Variants in IL4I1 observed in about 807,000 individuals in gnomAD.
The protein encoded by IL4I1 is interleukin 4 induced 1.
A neutral mutation model predicts 29.7 loss-of-function variants in IL4I1; 24 were observed. That is an observed-to-expected ratio of 0.81 (90% CI 0.59 to 1.14). The LOEUF is 1.14. Among genes scored for constraint, IL4I1 ranks in the 50% most tolerant of loss-of-function variants. The probability of loss-of-function intolerance (pLI) is 0.00; values close to 1 mark genes in which losing one functional copy is unlikely to be tolerated. For synonymous variants in IL4I1, 371 were observed against 352.5 expected (o/e 1.05, Z -0.59); for missense variants, 686 against 785.6 (o/e 0.87, Z 1.52).
chr19:49,902,212 C>T (rs2075277482), intron 3 of IL4I1, among the ~76,000 whole-genome samples: 1 of 152,168 alleles, frequency 6.6e-6, no homozygotes, highest in Non-Finnish European at 1.5e-5. Flanking sequence ...GTTGGCTGGG[C>T]TGGTCTCGAA....
At chr19:49,900,726 C>A (rs1386324488), upstream of IL4I1, among the ~76,000 whole-genome samples, 1 of 151,168 alleles carries the variant, frequency 6.6e-6, no homozygotes, top group Admixed American at 6.6e-5. Context: ...GTGGAGGGAG[C>A]GGAGGGGAGG....
intron 3 of IL4I1, among the ~76,000 whole-genome samples, chr19:49,903,851 T>TG (rs1222061190): frequency 6.8e-6 from 1 of 146,806 alleles, no homozygotes; most frequent in Non-Finnish European, 1.5e-5. Context: ...TTTTTTTTTT[T>TG]TTTTTGAGAC....
intron 2 of IL4I1, among the ~76,000 whole-genome samples, chr19:49,925,725 G>A (rs934517953): frequency 5.3e-5 from 8 of 152,114 alleles, no homozygotes; most frequent in African/African-American, 1.7e-4. Context: ...CATCAAGTGT[G>A]GTCAGAATCA....
chr19:49,909,192 C>A (rs1324752206), intron 2 of IL4I1: 1 of 1,613,696 alleles, frequency 6.2e-7, no homozygotes, highest in Non-Finnish European at 8.5e-7. Context: ...GTGGGAGCAG[C>A]TGGCTGTGTG....
Position 49,889,842 on chromosome 19 carries a change from G to C in IL4I1, c.1532C>G (p.Ala511Gly), listed in dbSNP as rs748357486. 5.7e-6 allele frequency: 9 copies of C among 1,585,396 alleles called. No homozygotes were observed. The highest frequency in any genetic ancestry group is 7.7e-6 in the Non-Finnish European group (9 of 1,165,242). Residue 511 changes from alanine to glycine, a missense_variant, in exon 8 of 8, where the codon GCA becomes GGA. Transcript: ENST00000391826. ...AIKINSRKGP[A>G]SDTASPEGHA... ...CCCCTCGGGGCTGGCCGTGTCCGAT[G>C]CAGGCCCCTTCCGGCTGTTGATCTT... is the stretch of plus-strand genomic sequence containing the variant.
chr19:49,913,849 G>C (rs1055532009), intron 2 of IL4I1, among the ~76,000 whole-genome samples: 6 of 152,114 alleles, frequency 3.9e-5, no homozygotes, highest in African/African-American at 1.4e-4. Flanking sequence ...CTAACGGTTC[G>C]GGCGTTATAT....
At chr19:49,926,425 A>C (rs998831325) in intron 2 of IL4I1, among the ~76,000 whole-genome samples, 32 of 150,660 alleles carry the variant, frequency 2.1e-4, no homozygotes, top group African/African-American at 7.1e-4. Flanking sequence ...AGCTACTTGG[A>C]AGGCTGAGGC....
chr19:49,895,087 G>T lies in IL4I1; in HGVS notation c.346C>A (p.Arg116Ser), dbSNP rs1475773644. ...TGWIGELGAM[R>S]MPSSHRILHK... The stretch of plus-strand genomic sequence containing the variant: ...GGTCACCTGTGAGAGCTGGGCATGC[G>T]CATGGCTCCCAGCTCCCCAATCCAG... The change falls in exon 4 of 8, where the codon CGC becomes AGC. Residue 116 changes from arginine (R) to serine (S), a missense_variant. Physicochemically the swap from Arg to Ser is moderately radical, Grantham distance 110 (BLOSUM62 -1). Coordinates refer to ENST00000391826, the MANE Select transcript of IL4I1 (RefSeq NM_152899.2). The T allele has an allele frequency of 1.2e-6, 2 of 1,613,550 alleles. No individual in the cohort carries two copies. The highest frequency in any genetic ancestry group is 1.7e-6 in the Non-Finnish European group (2 of 1,179,704).
In IL4I1 at chr19:49,894,272, T is replaced by A; in HGVS notation, c.563A>T (p.Asn188Ile). Residue 188 changes from asparagine (N) to isoleucine (I), a missense_variant, in exon 5 of 8, where the codon AAC becomes ATC. Coordinates refer to ENST00000391826, the MANE Select transcript of IL4I1 (RefSeq NM_152899.2). ...GAGGGTGCAGGCGGTACCCACCTGG[T>A]TGAGAGCCATCTGGTAGATGTCTTC... ...SPEDIYQMAL[N>I]QALKDLKALG... The A allele has an allele frequency of 6.2e-7, 1 of 1,613,492 alleles. No homozygotes were observed. Among genetic ancestry groups the A allele is most frequent in the Non-Finnish European group, 8.5e-7 (1 of 1,179,738 alleles).
At chr19:49,916,999 G>C (rs983912003) in intron 2 of IL4I1, among the ~76,000 whole-genome samples, 1 of 152,272 alleles carries the variant, frequency 6.6e-6, no homozygotes, top group Non-Finnish European at 1.5e-5. Flanking sequence ...TGGCACTGCT[G>C]ACAACGCAGA....
upstream of IL4I1, among the ~76,000 whole-genome samples, chr19:49,897,681 G>C (rs2075228774): frequency 6.6e-6 from 1 of 152,170 alleles, no homozygotes; most frequent in South Asian, 2.1e-4. Context: ...AACCACCTCA[G>C]TGCTCAGGGC....
At chr19:49,916,605 CA>C (rs1048283684) in intron 2 of IL4I1, among the ~76,000 whole-genome samples, 1 of 150,424 alleles carries the variant, frequency 6.6e-6, no homozygotes, top group South Asian at 2.1e-4. Context: ...ACTAAAAATA[CA>C]AAAAAAAATT....
intron 2 of IL4I1, chr19:49,909,861 G>A: frequency 1.9e-6 from 3 of 1,575,450 alleles, no homozygotes; most frequent in South Asian, 2.2e-5. Flanking sequence ...AAATCCGTCG[G>A]TGTCTGCAGC....
chr19:49,914,726 G>GTTTTTTTTTTTTTT lies in IL4I1; in HGVS notation c.-227-10419_-227-10406dup, dbSNP rs530372497. ...GATTCTTGTGCCACTCCAAGTCCCA[G>GTTTTTTTTTTTTTT]TTTTTTTTTTTTTTTTTTTTTTTTT... On this transcript the variant is annotated intron_variant, in intron 2 of 9. Coordinates refer to the IL4I1 transcript ENST00000341114. 3.9e-4 allele frequency among the ~76,000 whole-genome samples: 22 copies of GTTTTTTTTTTTTTT among 56,396 alleles called. 4 individuals are homozygous for GTTTTTTTTTTTTTT. The highest frequency in any genetic ancestry group is 5.8e-4 in the African/African-American group (9 of 15,444). The allele number at this position is 56,396 out of a possible 152,430, so 37.0% of individuals were successfully genotyped here.
intron 2 of IL4I1, among the ~76,000 whole-genome samples, chr19:49,915,723 T>C (rs1299055103): frequency 6.6e-6 from 1 of 152,178 alleles, no homozygotes; most frequent in Admixed American, 6.5e-5. Flanking sequence ...CCCTTGTGCA[T>C]GGAGACCAAG....
chr19:49,913,486 C>A (rs1006098447), intron 2 of IL4I1, among the ~76,000 whole-genome samples: 1 of 152,182 alleles, frequency 6.6e-6, no homozygotes, highest in East Asian at 1.9e-4. Flanking sequence ...AGTCAGCAGA[C>A]CTCAGTTCAG....
chr19:49,894,976 T>G, intron 4 of IL4I1, 92 bp downstream of exon 4: 1 of 921,846 alleles, frequency 1.1e-6, no homozygotes, highest in South Asian at 1.5e-5. Context: ...GGTTTGGGAG[T>G]CAGAGTGGAA....
chr19:49,927,608 T>A (rs2075933571), intron 2 of IL4I1: 1 of 152,132 alleles, frequency 6.6e-6, no homozygotes. Context: ...GAGTGGACAG[T>A]AAGTGCTCTA....
chr19:49,896,284 C>T, intron 1 of IL4I1, 102 bp from the exon 2 acceptor site: 2 of 1,356,638 alleles, frequency 1.5e-6, no homozygotes, highest in Non-Finnish European at 2.0e-6. Flanking sequence ...GCCGGCCCTC[C>T]CCCAGTCACT....
Sources: allele counts gnomAD v4.1 joint callset (sites outside exome capture counted in the v4.1 genomes callset), GRCh38; gene constraint gnomAD v4.1.1; transcripts MANE v1.5; gene names NCBI Gene and HGNC (gene_info 2026-07-23, HGNC 2026-07-21).